PDE4B: variants seen among roughly 807,000 people sequenced by gnomAD.
PDE4B encodes 3',5'-cyclic-AMP phosphodiesterase 4B.
In PDE4B, 20 loss-of-function variants were observed where a neutral mutation model predicts 82.2. That is an observed-to-expected ratio of 0.24 (90% CI 0.17 to 0.35). The LOEUF is 0.35. Among genes scored for constraint, PDE4B ranks in the 10% least tolerant of loss-of-function variants. The probability of loss-of-function intolerance (pLI) is 1.00; values close to 1 mark genes in which losing one functional copy is unlikely to be tolerated. For synonymous variants in PDE4B, 320 were observed against 318.9 expected (o/e 1.00, Z -0.04); for missense variants, 655 against 907.2 (o/e 0.72, Z 3.57).
At chr1:66,259,227 A>G (rs200002807) in intron 6 of PDE4B, among the ~76,000 whole-genome samples, 1 of 152,298 alleles carries the variant, frequency 6.6e-6, no homozygotes, top group East Asian at 1.9e-4. Flanking sequence ...GGATATATGC[A>G]TTTAACAAAT....
At chr1:66,188,732 G>T (rs1647431618) in intron 3 of PDE4B, among the ~76,000 whole-genome samples, 1 of 151,788 alleles carries the variant, frequency 6.6e-6, no homozygotes, top group African/African-American at 2.4e-5. Flanking sequence ...GTGTGTCTCT[G>T]CACATGAGAT....
chr1:66,003,139 A>G (rs1651957189), intron 3 of PDE4B, among the ~76,000 whole-genome samples: 1 of 152,124 alleles, frequency 6.6e-6, no homozygotes, highest in African/African-American at 2.4e-5. Flanking sequence ...CATGTGGGTT[A>G]GTAAAGAAGT....
rs111666843 is a variant in PDE4B, at chr1:65,802,238, G to A, written c.-71+8990G>A. Among the ~76,000 whole-genome samples, 1,426 of 152,182 alleles carry A rather than the reference G, an allele frequency of 9.4e-3. 21 individuals carry two copies. Among genetic ancestry groups the A allele is most frequent in the African/African-American group, 0.032 (1,327 of 41,512 alleles). The stretch of plus-strand genomic sequence containing the variant: ...CTTAATAACCGAGGAAACTATGAAG[G>A]AATTGGGCTCCTTCCTGCTTTTGAC... On this transcript the variant is annotated intron_variant, in intron 1 of 16. Transcript: ENST00000341517.
intron 3 of PDE4B, among the ~76,000 whole-genome samples, chr1:65,956,736 G>A (rs544800466): frequency 9.2e-5 from 14 of 152,180 alleles, no homozygotes; most frequent in Non-Finnish European, 1.5e-4. Context: ...GTCTCTTTTC[G>A]TAGAAAGTCT....
At chr1:66,123,219 T>C (rs978396827) in intron 3 of PDE4B, among the ~76,000 whole-genome samples, 1 of 152,184 alleles carries the variant, frequency 6.6e-6, no homozygotes. Context: ...GAAAATGGCT[T>C]GCTTTATGTC....
At chr1:66,185,338 C>T (rs1486732281) in intron 3 of PDE4B, among the ~76,000 whole-genome samples, 2 of 152,174 alleles carry the variant, frequency 1.3e-5, no homozygotes, top group Admixed American at 6.6e-5. Context: ...TGATTTATAA[C>T]CCTTCGGGTA....
intron 3 of PDE4B, among the ~76,000 whole-genome samples, chr1:66,224,320 C>G (rs1651251303): frequency 6.6e-6 from 1 of 152,158 alleles, no homozygotes; most frequent in South Asian, 2.1e-4. Flanking sequence ...CCTTCCTAAA[C>G]ACACTTAGGT....
chr1:66,101,889 A>G (rs931577273), intron 3 of PDE4B, among the ~76,000 whole-genome samples: 3 of 152,122 alleles, frequency 2.0e-5, no homozygotes, highest in East Asian at 1.9e-4. Context: ...TTGGTGTTTT[A>G]GTCATGAAGT....
At chr1:66,070,238 A>G (rs925803818) in intron 3 of PDE4B, among the ~76,000 whole-genome samples, 6 of 151,734 alleles carry the variant, frequency 4.0e-5, no homozygotes, top group African/African-American at 1.4e-4. Flanking sequence ...TAATGTGTCT[A>G]TATGCATTTT....
chr1:65,882,040 A>G (rs1646714516), intron 1 of PDE4B, among the ~76,000 whole-genome samples: 1 of 152,178 alleles, frequency 6.6e-6, no homozygotes, highest in Non-Finnish European at 1.5e-5. Flanking sequence ...CCACCACTCA[A>G]TATCTGAAAT....
At chr1:66,155,149 A>G (rs1646477850) in intron 3 of PDE4B, among the ~76,000 whole-genome samples, 1 of 152,132 alleles carries the variant, frequency 6.6e-6, no homozygotes, top group African/African-American at 2.4e-5. Flanking sequence ...AGAAAGTTAC[A>G]TATAGATTGG....
chr1:65,899,713 G>A (rs1252024502), intron 1 of PDE4B, among the ~76,000 whole-genome samples: 2 of 150,022 alleles, frequency 1.3e-5, no homozygotes, highest in Admixed American at 1.3e-4. Flanking sequence ...AAAAAGGAAT[G>A]AATTAATGGC....
At chr1:65,883,159 G>T (rs768808703) in intron 1 of PDE4B, among the ~76,000 whole-genome samples, 2 of 152,114 alleles carry the variant, frequency 1.3e-5, no homozygotes, top group African/African-American at 2.4e-5. Flanking sequence ...GGTTCCATAT[G>T]AACTTTAAAG....
At chr1:66,011,487 G>A (rs1399182036) in intron 3 of PDE4B, among the ~76,000 whole-genome samples, 3 of 152,004 alleles carry the variant, frequency 2.0e-5, no homozygotes, top group African/African-American at 7.2e-5. Flanking sequence ...AGTGAAACAA[G>A]AGCAACATGA....
intron 3 of PDE4B, among the ~76,000 whole-genome samples, chr1:66,123,610 T>A (rs1383017479): frequency 1.3e-5 from 2 of 151,890 alleles, no homozygotes; most frequent in African/African-American, 4.8e-5. Context: ...TTTAATGTTA[T>A]TCTGCTTCTG....
chr1:66,070,045 G>C (rs1656072080), intron 3 of PDE4B, among the ~76,000 whole-genome samples: 2 of 151,944 alleles, frequency 1.3e-5, no homozygotes, highest in African/African-American at 4.8e-5. Context: ...TTGAAATCTT[G>C]ATCAGGGTAT....
chr1:65,937,314 A>T (rs1648206394), intron 3 of PDE4B, among the ~76,000 whole-genome samples: 1 of 152,146 alleles, frequency 6.6e-6, no homozygotes, highest in African/African-American at 2.4e-5. Context: ...AACATTCGTT[A>T]TTGTGGAGGG....
chr1:66,018,978 C>A (rs1652934687), intron 3 of PDE4B, among the ~76,000 whole-genome samples: 3 of 152,086 alleles, frequency 2.0e-5, no homozygotes, highest in Non-Finnish European at 2.9e-5. Flanking sequence ...TTATATCTTA[C>A]TTTTTGCTGC....
rs548643846 is a variant in PDE4B at position 65,852,712 on chromosome 1, T to C, written c.-71+59464T>C. Among the ~76,000 whole-genome samples the C allele has an allele frequency of 1.1e-4, 17 of 152,174 alleles. No individual in the cohort carries two copies. The South Asian group carries it at 3.5e-3, about 32-fold the overall frequency. ...ACTTGGGGATTTCCATGTGATTTTT[T>C]TCTATTGATTTCTAGTATAACTCTG... On this transcript the variant is annotated intron_variant, in intron 1 of 16. Transcript: ENST00000341517.
Sources: allele counts gnomAD v4.1 joint callset (sites outside exome capture counted in the v4.1 genomes callset), GRCh38; gene constraint gnomAD v4.1.1; transcripts MANE v1.5; gene names NCBI Gene and HGNC (gene_info 2026-07-23, HGNC 2026-07-21).